Variants in GALNT17 observed in about 807,000 individuals in gnomAD.
GALNT17 encodes the protein UDP-GalNAc:polypeptide N-acetylgalactosaminyltransferase-like 3.
A neutral mutation model predicts 63.7 loss-of-function variants in GALNT17; 29 were observed. The observed-to-expected ratio is 0.46, with a 90% confidence interval of 0.34 to 0.62. The LOEUF (loss-of-function observed/expected upper bound fraction) is 0.62. GALNT17 is among the 20% of genes least tolerant of loss of function. The probability of loss-of-function intolerance (pLI) is 0.01; values close to 1 mark genes in which losing one functional copy is unlikely to be tolerated. For synonymous variants in GALNT17, 305 were observed against 318.3 expected, an observed-to-expected ratio of 0.96 and a Z score of 0.45; for missense variants, 603 against 799.6, an observed-to-expected ratio of 0.75 and a Z score of 2.97.
At chr7:71,381,544 C>T (rs545994553) in intron 2 of GALNT17, among the ~76,000 whole-genome samples, 4 of 152,156 alleles carry the variant, frequency 2.6e-5, no homozygotes, top group East Asian at 3.9e-4. Context: ...TTTGAGAGGC[C>T]GAGGCGGGCG....
At chr7:71,436,191 A>G (rs1218672810) in intron 5 of GALNT17, among the ~76,000 whole-genome samples, 3 of 152,072 alleles carry the variant, frequency 2.0e-5, no homozygotes, top group Admixed American at 6.6e-5. Context: ...AGCAGGCAAG[A>G]TGAACCCACC....
At chr7:71,134,346 T>C (rs1304150964) in intron 1 of GALNT17, among the ~76,000 whole-genome samples, 2 of 152,204 alleles carry the variant, frequency 1.3e-5, no homozygotes, top group Admixed American at 1.3e-4. Flanking sequence ...TACAGACATA[T>C]ACCTTCTCAC....
intron 6 of GALNT17, among the ~76,000 whole-genome samples, chr7:71,618,024 A>G (rs1299650162): frequency 6.6e-6 from 1 of 151,992 alleles, no homozygotes; most frequent in African/African-American, 2.4e-5. Context: ...GTTTATCTCC[A>G]TGTGGGCTGA....
intron 2 of GALNT17, among the ~76,000 whole-genome samples, chr7:71,381,923 G>A (rs1193193197): frequency 6.6e-6 from 1 of 152,186 alleles, no homozygotes; most frequent in African/African-American, 2.4e-5. Context: ...CAAGTGGGTG[G>A]TTCTGTCTAG....
chr7:71,322,997 T>A (rs566464329), intron 1 of GALNT17, among the ~76,000 whole-genome samples: 4 of 152,264 alleles, frequency 2.6e-5, no homozygotes, highest in African/African-American at 9.6e-5. Context: ...CATGGTCATA[T>A]TAAGATGGCT....
intron 6 of GALNT17, among the ~76,000 whole-genome samples, chr7:71,648,173 G>T (rs1311745353): frequency 2.0e-5 from 3 of 151,984 alleles, no homozygotes; most frequent in Admixed American, 6.6e-5. Context: ...AACTACTTTG[G>T]TTTTTCTCAG....
intron 9 of GALNT17, among the ~76,000 whole-genome samples, chr7:71,690,177 A>G (rs574111652): frequency 1.6e-3 from 241 of 152,166 alleles, no homozygotes; most frequent in African/African-American, 5.4e-3. Flanking sequence ...GGTGCGCACC[A>G]TCACGCCCAG....
At chr7:71,525,303 A>T (rs1276740567) in intron 5 of GALNT17, among the ~76,000 whole-genome samples, 1 of 151,706 alleles carries the variant, frequency 6.6e-6, no homozygotes, top group Non-Finnish European at 1.5e-5. Flanking sequence ...AGCCTCCCAA[A>T]TAGCTGGGAC....
At chr7:71,415,551 G>A (rs1389004425) in intron 3 of GALNT17, among the ~76,000 whole-genome samples, 1 of 152,084 alleles carries the variant, frequency 6.6e-6, no homozygotes, top group Non-Finnish European at 1.5e-5. Flanking sequence ...TTGATAAACC[G>A]GACAAGGATT....
At chr7:71,285,244 C>T (rs143192908) in intron 1 of GALNT17, among the ~76,000 whole-genome samples, 2 of 152,240 alleles carry the variant, frequency 1.3e-5, no homozygotes, top group African/African-American at 2.4e-5. Flanking sequence ...TTTATTATGA[C>T]AGCAATTCGG....
intron 5 of GALNT17, among the ~76,000 whole-genome samples, chr7:71,512,923 C>A (rs1171055393): frequency 6.6e-6 from 1 of 152,214 alleles, no homozygotes; most frequent in African/African-American, 2.4e-5. Flanking sequence ...ACCTGGCCTC[C>A]TCTTTTTTGA....
At chr7:71,461,962 C>G (rs1787458384) in intron 5 of GALNT17, among the ~76,000 whole-genome samples, 1 of 152,204 alleles carries the variant, frequency 6.6e-6, no homozygotes, top group Non-Finnish European at 1.5e-5. Context: ...GCTTAATTGG[C>G]TCAGTGTCCA....
At chr7:71,337,721 G>A (rs1791934233) in intron 2 of GALNT17, among the ~76,000 whole-genome samples, 1 of 151,240 alleles carries the variant, frequency 6.6e-6, no homozygotes, top group Non-Finnish European at 1.5e-5. Flanking sequence ...TACAAAAATT[G>A]GCTGGGCGCG....
chr7:71,542,328 A>G (rs943975813), intron 5 of GALNT17, among the ~76,000 whole-genome samples: 2 of 152,100 alleles, frequency 1.3e-5, no homozygotes, highest in African/African-American at 4.8e-5. Context: ...TGTTGCATTT[A>G]TTGGAATTTA....
intron 5 of GALNT17, among the ~76,000 whole-genome samples, chr7:71,548,972 T>G (rs2116825328): frequency 6.6e-6 from 1 of 151,792 alleles, no homozygotes; most frequent in East Asian, 1.9e-4. Context: ...GGGAGTGGGG[T>G]GTGTGGGAGA....
At chr7:71,348,580 C>G (rs901400622) in intron 2 of GALNT17, among the ~76,000 whole-genome samples, 8 of 152,238 alleles carry the variant, frequency 5.3e-5, no homozygotes, top group Non-Finnish European at 5.9e-5. Context: ...TTTATAACCC[C>G]CGGGGTCATT....
chr7:71,481,568 G>A (rs1301592831), intron 5 of GALNT17, among the ~76,000 whole-genome samples: 2 of 152,314 alleles, frequency 1.3e-5, no homozygotes, highest in Non-Finnish European at 2.9e-5. Flanking sequence ...TGGACTGCAA[G>A]AGGGATACCT....
chr7:71,531,539 A>T (rs1016611318), intron 5 of GALNT17, among the ~76,000 whole-genome samples: 1 of 152,290 alleles, frequency 6.6e-6, no homozygotes, highest in South Asian at 2.1e-4. Flanking sequence ...TAAACTTACT[A>T]TGTGCCTGAC....
intron 3 of GALNT17, among the ~76,000 whole-genome samples, chr7:71,411,119 ACTTT>A (rs1162031598): frequency 3.3e-5 from 5 of 151,884 alleles, no homozygotes; most frequent in African/African-American, 4.8e-5. Flanking sequence ...TGAAGGGGTG[ACTTT>A]CTTTTTTTTT....
Sources: gnomAD v4.1 joint callset for allele counts (sites outside exome capture counted in the v4.1 genomes callset) on GRCh38, gnomAD v4.1.1 for gene constraint, MANE v1.5 for transcripts, NCBI Gene and HGNC (gene_info 2026-07-23, HGNC 2026-07-21) for gene names.